Variants in CFAP300 observed in about 807,000 individuals in gnomAD.
The protein encoded by CFAP300 is cilia and flagella associated protein 300.
In CFAP300, 32 loss-of-function variants were observed where a neutral mutation model predicts 33.0. The ratio of observed to expected loss-of-function variants is 0.97; its 90% confidence interval spans 0.73 to 1.30. The LOEUF (loss-of-function observed/expected upper bound fraction) is 1.30. Among genes scored for constraint, CFAP300 ranks in the 50% most tolerant of loss-of-function variants. The pLI is 0.00. For synonymous variants in CFAP300, 102 were observed against 106.8 expected (o/e 0.95, Z 0.28); for missense variants, 356 against 318.1 (o/e 1.12, Z -0.90).
At chr11:102,049,572 A>G (rs573082404) in intron 2 of CFAP300, among the ~76,000 whole-genome samples, 40 of 152,270 alleles carry the variant, frequency 2.6e-4, no homozygotes, top group African/African-American at 9.4e-4. Flanking sequence ...AATGCTACTG[A>G]TAATGACATT....
chr11:102,078,511 G>A (rs893721017), intron 5 of CFAP300, among the ~76,000 whole-genome samples: 3 of 151,966 alleles, frequency 2.0e-5, no homozygotes, highest in Non-Finnish European at 4.4e-5. Flanking sequence ...TTTTTCTTAA[G>A]AGATATAGGA....
At chr11:102,072,116 A>G (rs1037407768) in intron 4 of CFAP300, among the ~76,000 whole-genome samples, 1 of 151,638 alleles carries the variant, frequency 6.6e-6, no homozygotes, top group African/African-American at 2.4e-5. Context: ...GAACACCCAT[A>G]ATTCAAAACT....
intron 2 of CFAP300, among the ~76,000 whole-genome samples, chr11:102,054,383 G>T (rs963141694): frequency 9.9e-5 from 15 of 151,964 alleles, no homozygotes; most frequent in African/African-American, 3.6e-4. Flanking sequence ...GAAGTCAAAG[G>T]TACTATTCAT....
intron 3 of CFAP300, among the ~76,000 whole-genome samples, chr11:102,062,637 A>G (rs1355790757): frequency 6.6e-6 from 1 of 152,246 alleles, no homozygotes; most frequent in Admixed American, 6.5e-5. Flanking sequence ...ATAGTAAAGT[A>G]TGAAAGAAGA....
chr11:102,048,037 A>G, intron 2 of CFAP300, 141 bp downstream of exon 2: 1 of 735,786 alleles, frequency 1.4e-6, no homozygotes, highest in Non-Finnish European at 2.1e-6. Context: ...GGTGCAAATG[A>G]TTTTTTTAAA....
chr11:102,081,246 C>G lies in CFAP300; in HGVS notation c.640C>G (p.Gln214Glu). Residue 214 changes from glutamine to glutamate, a missense_variant, in exon 6 of 7, where the codon CAG becomes GAG. Transcript: ENST00000434758. ...VRKNPQTKKI[Q>E]ITSSVFKVSA... ...AAAGAATCCTCAAACCAAGAAAATA[C>G]AGATTACCTCTTCTGTCTTTAAAGT... is the stretch of plus-strand genomic sequence containing the variant. The G allele has an allele frequency of 6.2e-7, 1 of 1,610,902 alleles. No individual in the cohort carries two copies. Among genetic ancestry groups the G allele is most frequent in the East Asian group, 2.2e-5 (1 of 44,790 alleles).
chr11:102,050,600 T>C (rs187121968), intron 2 of CFAP300, among the ~76,000 whole-genome samples: 1 of 152,208 alleles, frequency 6.6e-6, no homozygotes, highest in Non-Finnish European at 1.5e-5. Context: ...AAAAATTGCA[T>C]TGCAGAGAGA....
chr11:102,059,621 C>G (rs753949203), intron 3 of CFAP300, among the ~76,000 whole-genome samples: 1 of 151,788 alleles, frequency 6.6e-6, no homozygotes, highest in African/African-American at 2.4e-5. Context: ...TGCCCTCCAC[C>G]CTGGGTGAGA....
At chr11:102,050,815 C>T (rs146507413) in intron 2 of CFAP300, among the ~76,000 whole-genome samples, 43 of 152,160 alleles carry the variant, frequency 2.8e-4, no homozygotes, top group African/African-American at 9.9e-4. Flanking sequence ...TTTTAGAAGA[C>T]CTTTTGTGCC....
intron 4 of CFAP300, among the ~76,000 whole-genome samples, chr11:102,068,097 A>G (rs1261977492): frequency 6.6e-6 from 1 of 152,238 alleles, no homozygotes; most frequent in African/African-American, 2.4e-5. Context: ...GCATAATGTG[A>G]GAATTATGTG....
At chr11:102,075,225 T>C (rs987733540) in intron 4 of CFAP300, among the ~76,000 whole-genome samples, 17 of 151,858 alleles carry the variant, frequency 1.1e-4, no homozygotes, top group African/African-American at 4.1e-4. Context: ...CAGTGGTCTG[T>C]ATTTCCCAAT....
At chr11:102,079,532 G>A (rs1942444946) in intron 5 of CFAP300, among the ~76,000 whole-genome samples, 1 of 152,124 alleles carries the variant, frequency 6.6e-6, no homozygotes. Context: ...AAATGGCTAT[G>A]GCTGGTCATC....
At chr11:102,081,765 G>A (rs964743342) in intron 6 of CFAP300, among the ~76,000 whole-genome samples, 6 of 151,952 alleles carry the variant, frequency 3.9e-5, no homozygotes, top group South Asian at 2.1e-4. Context: ...GGTGGCACGC[G>A]CCTGTAGTCC....
At chr11:102,047,731 G>A in intron 1 of CFAP300, 84 bp from the exon 2 acceptor site, 1 of 1,520,926 alleles carries the variant, frequency 6.6e-7, no homozygotes, top group Admixed American at 1.9e-5. Flanking sequence ...CGGGAAGGGC[G>A]GATGCTGTGG....
intron 3 of CFAP300, among the ~76,000 whole-genome samples, chr11:102,060,313 C>T (rs1349048218): frequency 2.0e-5 from 3 of 148,982 alleles, no homozygotes; most frequent in East Asian, 3.9e-4. Flanking sequence ...GATAGGGTTT[C>T]GCCATGTTGG....
chr11:102,071,601 T>G (rs1046211951), intron 4 of CFAP300, among the ~76,000 whole-genome samples: 3 of 152,210 alleles, frequency 2.0e-5, no homozygotes, highest in Non-Finnish European at 4.4e-5. Flanking sequence ...AAATTTTGCT[T>G]TCAGGTATAG....
rs949930439 is a variant in CFAP300, at chr11:102,059,296, T to C, written c.268+341T>C. 4.7e-3 allele frequency among the ~76,000 whole-genome samples: 235 copies of C among 49,980 alleles called. 1 individual carries two copies. Among genetic ancestry groups the C allele is most frequent in the African/African-American group, 0.02 (229 of 11,568 alleles). 32.8% of individuals were successfully genotyped at this position (49,980 alleles called of 152,430 possible). A position where few individuals can be genotyped will look rare whatever the true frequency, so the allele number is the denominator to read the frequency against. ...ATATGTTAAAATGTGTGTGTGTGTGTGTGTGTGTGTGTGTGTGTGTGTGTG... is the reference window on the plus strand; with the variant it reads ...ATATGTTAAAATGTGTGTGTGTGTGCGTGTGTGTGTGTGTGTGTGTGTGTG... On this transcript the variant is annotated intron_variant, in intron 3 of 6. Transcript: ENST00000434758.
In CFAP300 at chr11:102,053,851, C is replaced by A. The variant is rs78191120; in HGVS notation, c.193-5029C>A. 1.0e-3 allele frequency among the ~76,000 whole-genome samples: 155 copies of A among 152,324 alleles called. 2 individuals are homozygous for A. In the East Asian group the frequency reaches 0.026, roughly 26 times the overall value. On this transcript the variant is annotated intron_variant, in intron 2 of 6. Transcript: ENST00000434758. The stretch of plus-strand genomic sequence containing the variant: ...CTGCAAGGTCAATTTAACTCCCCAG[C>A]CTTATCTGACCATTGCTGCTTCTGG...
At chr11:102,052,680 T>C (rs950031822) in intron 2 of CFAP300, among the ~76,000 whole-genome samples, 1 of 152,224 alleles carries the variant, frequency 6.6e-6, no homozygotes, top group African/African-American at 2.4e-5. Flanking sequence ...TGGTTTTTCA[T>C]GAAGAGGAAT....
Sources: allele counts gnomAD v4.1 joint callset (sites outside exome capture counted in the v4.1 genomes callset), GRCh38; gene constraint gnomAD v4.1.1; transcripts MANE v1.5; gene names NCBI Gene and HGNC (gene_info 2026-07-23, HGNC 2026-07-21).